HERC3: variants seen among roughly 807,000 people sequenced by gnomAD.
HERC3 encodes HECT and RLD domain containing E3 ubiquitin protein ligase 3.
HERC3 carries 58 observed loss-of-function variants against 129.9 expected under a neutral mutation model. The observed-to-expected ratio is 0.45, with a 90% CI of 0.36 to 0.56. The LOEUF is 0.56. Ranked by LOEUF, HERC3 falls within the 20% of genes least tolerant of loss-of-function variation. The pLI is 0.00. For synonymous variants in HERC3, 430 were observed against 451.0 expected, an observed-to-expected ratio of 0.95 and a Z score of 0.59; for missense variants, 835 against 1,244.2, an observed-to-expected ratio of 0.67 and a Z score of 4.95.
the HERC3 span, among the ~76,000 whole-genome samples, chr4:88,553,873 C>T: frequency 3.9e-5 from 6 of 152,302 alleles, no homozygotes; most frequent in Non-Finnish European, 8.8e-5. Context: ...TGTTCAAGAA[C>T]TGCTTGAACC....
At chr4:88,588,328 C>T (rs1721581429), upstream of HERC3, among the ~76,000 whole-genome samples, 1 of 152,092 alleles carries the variant, frequency 6.6e-6, no homozygotes, top group Non-Finnish European at 1.5e-5. Flanking sequence ...TGTTTTTATT[C>T]TAAGTTGTTT....
At chr4:88,616,707 T>C (rs150778670) in intron 3 of HERC3, among the ~76,000 whole-genome samples, 1 of 152,304 alleles carries the variant, frequency 6.6e-6, no homozygotes, top group East Asian at 1.9e-4. Context: ...TTAGTGGTAA[T>C]GTATTAGTCG....
chr4:88,611,379 C>A (rs974768522), intron 3 of HERC3, among the ~76,000 whole-genome samples: 2 of 152,152 alleles, frequency 1.3e-5, no homozygotes, highest in Non-Finnish European at 2.9e-5. Context: ...AAGTCTGTGG[C>A]AGGCCTAGTT....
chr4:88,623,108 G>A (rs1725720298), intron 3 of HERC3, among the ~76,000 whole-genome samples: 1 of 152,184 alleles, frequency 6.6e-6, no homozygotes, highest in Non-Finnish European at 1.5e-5. Context: ...CTATGTATAA[G>A]CTAGTTTCTT....
intron 3 of HERC3, among the ~76,000 whole-genome samples, chr4:88,638,902 A>G (rs1303573160): frequency 3.3e-5 from 5 of 152,202 alleles, no homozygotes; most frequent in Non-Finnish European, 1.5e-5. Context: ...GTCTCAGGGT[A>G]TAAAATCAAT....
Position 88,707,142 on chromosome 4 carries a change from T to C in HERC3, c.*182T>C, listed in dbSNP as rs1000191381. On this transcript the variant is annotated 3_prime_UTR_variant, in exon 26 of 26. Coordinates refer to ENST00000402738, the MANE Select transcript of HERC3 (RefSeq NM_014606.3). ...GCAGTAAACAACCTTTTTGAAAAAT[T>C]AGAGGTTGGGGATGGGGTGAAAAAT... 2.1e-5 allele frequency: 13 copies of C among 607,508 alleles called. No individual in the cohort carries two copies. Among genetic ancestry groups the C allele is most frequent in the Non-Finnish European group, 3.5e-5 (12 of 347,760 alleles). 37.6% of individuals were successfully genotyped at this position (607,508 alleles called of 1,614,324 possible). A position where few individuals can be genotyped will look rare whatever the true frequency, so the allele number is the denominator to read the frequency against.
intron 9 of HERC3, 97 bp downstream of exon 9, chr4:88,656,132 A>G (rs1729869650): frequency 8.5e-7 from 1 of 1,170,472 alleles, no homozygotes; most frequent in Non-Finnish European, 1.2e-6. Context: ...GGTCTTTTGG[A>G]GGGAATGAAG....
the HERC3 span, among the ~76,000 whole-genome samples, chr4:88,552,785 C>CT: frequency 1.3e-5 from 2 of 152,084 alleles, no homozygotes; most frequent in African/African-American, 2.4e-5. Flanking sequence ...TACTGGCCAC[C>CT]TTTTTTGTGT....
Position 88,618,791 on chromosome 4 carries a change from G to A in HERC3, c.226+12742G>A, listed in dbSNP as rs182275192. Among the ~76,000 whole-genome samples, 18 of 152,296 alleles carry A rather than the reference G, an allele frequency of 1.2e-4. No individual in the cohort carries two copies. In the East Asian group the frequency reaches 1.9e-3, roughly 16 times the overall value. On this transcript the variant is annotated intron_variant, in intron 3 of 25. Coordinates refer to ENST00000402738, the MANE Select transcript of HERC3 (RefSeq NM_014606.3). ...TCATGTTTCATCTCCTTACTGCCAC[G>A]CTTTTGTTAAACCACTTTATGAATT...
chr4:88,559,960 A>AAT, the HERC3 span, among the ~76,000 whole-genome samples: 14,775 of 119,520 alleles, frequency 0.12, 1,522 homozygotes, highest in African/African-American at 0.3. Flanking sequence ...GTTATTTTTG[A>AAT]TTTTTTTTTT....
chr4:88,697,465 T>A lies in HERC3; in HGVS notation c.2658-6633T>A, dbSNP rs1734738512. 6.2e-7 allele frequency: 1 copy of A among 1,614,128 alleles called. No homozygotes were observed. Among genetic ancestry groups the A allele is most frequent in the Non-Finnish European group, 8.5e-7 (1 of 1,180,022 alleles). On this transcript the variant is annotated intron_variant, in intron 23 of 25. Transcript: ENST00000402738. ...CAGAGCCTGAAATTCCTTATCAAAT[T>A]TGGCTTCTATCTTATCGCATCGCTT...
chr4:88,632,462 A>G (rs1726881103), intron 3 of HERC3, among the ~76,000 whole-genome samples: 1 of 152,250 alleles, frequency 6.6e-6, no homozygotes, highest in African/African-American at 2.4e-5. Context: ...CCAATGTGGG[A>G]TAATGTAGAT....
chr4:88,603,404 C>T (rs936427100), intron 2 of HERC3, among the ~76,000 whole-genome samples: 2 of 152,096 alleles, frequency 1.3e-5, no homozygotes, highest in African/African-American at 2.4e-5. Flanking sequence ...GATGCGGTTT[C>T]ACCATGTTGG....
At chr4:88,552,180 G>T in the HERC3 span, among the ~76,000 whole-genome samples, 66,356 of 148,694 alleles carry the variant, frequency 0.45, 18,544 homozygotes, top group African/African-American at 0.79. Context: ...ATATACCTAA[G>T]GCTAAATGAC....
intron 9 of HERC3, 106 bp downstream of exon 9, chr4:88,656,141 A>AG: frequency 9.4e-7 from 1 of 1,069,304 alleles, no homozygotes. Flanking sequence ...GAGGGAATGA[A>AG]GATAAGGTAT....
the HERC3 span, among the ~76,000 whole-genome samples, chr4:88,579,232 A>ATATATATATATATAT: frequency 9.6e-6 from 1 of 104,096 alleles, no homozygotes; most frequent in African/African-American, 6.1e-5. Context: ...AAAAAAAAAA[A>ATATATATATATATAT]ATATATATAT....
the HERC3 span, among the ~76,000 whole-genome samples, chr4:88,555,027 T>G: frequency 6.6e-6 from 1 of 152,126 alleles, no homozygotes; most frequent in Non-Finnish European, 1.5e-5. Context: ...GGCTCATGCC[T>G]GTAATCCCAG....
intron 3 of HERC3, among the ~76,000 whole-genome samples, chr4:88,642,939 A>G (rs981685544): frequency 6.6e-6 from 1 of 152,110 alleles, no homozygotes; most frequent in African/African-American, 2.4e-5. Flanking sequence ...AGGGGGAAGC[A>G]AACAAATTGG....
chr4:88,544,731 A>G, the HERC3 span, among the ~76,000 whole-genome samples: 2 of 152,236 alleles, frequency 1.3e-5, no homozygotes, highest in Non-Finnish European at 2.9e-5. Context: ...ATGGAATACT[A>G]TGCAGCCATA....
Sources: gnomAD v4.1 joint callset for allele counts (sites outside exome capture counted in the v4.1 genomes callset) on GRCh38, gnomAD v4.1.1 for gene constraint, MANE v1.5 for transcripts, NCBI Gene and HGNC (gene_info 2026-07-23, HGNC 2026-07-21) for gene names.